CHD6: variants seen among roughly 807,000 people sequenced by gnomAD.
CHD6 encodes chromodomain helicase DNA binding protein 6.
In CHD6, 50 loss-of-function variants were observed where a neutral mutation model predicts 276.9. That is an observed-to-expected ratio of 0.18 (90% CI 0.14 to 0.23). The LOEUF is 0.23. CHD6 is among the 10% of genes least tolerant of loss of function. The pLI is 1.00. For synonymous variants in CHD6, 1,173 were observed against 1,229.3 expected (o/e 0.95, Z 0.96); for missense variants, 2,564 against 3,365.8 (o/e 0.76, Z 5.89).
rs753264281 is a variant in CHD6, at chr20:41,498,149, ATACTT to A, written c.974+14_974+18del. ...TTCATATAAAACCCAAATACAGAGA[ATACTT>A]TAAATAGACGTACAAATTTCTATAC... On this transcript the variant is annotated intron_variant, in intron 7 of 36. Coordinates refer to ENST00000373233, the MANE Select transcript of CHD6 (RefSeq NM_032221.5). The A allele has an allele frequency of 1.3e-6, 2 of 1,569,570 alleles. No homozygotes were observed. The highest frequency in any genetic ancestry group is 4.5e-5 in the East Asian group (2 of 44,568).
chr20:41,570,130 C>T (rs1322434618), intron 1 of CHD6, among the ~76,000 whole-genome samples: 1 of 152,140 alleles, frequency 6.6e-6, no homozygotes, highest in East Asian at 1.9e-4. Flanking sequence ...TCATAGGCAC[C>T]TTTTCTCAAG....
intron 4 of CHD6, 83 bp from the exon 5 acceptor site, chr20:41,513,078 T>G: frequency 6.9e-7 from 1 of 1,454,522 alleles, no homozygotes; most frequent in Admixed American, 1.8e-5. Flanking sequence ...CTACATTTAC[T>G]AACATGCCAA....
At chr20:41,555,655 G>GGTC (rs1248184410) in intron 1 of CHD6, among the ~76,000 whole-genome samples, 2 of 151,668 alleles carry the variant, frequency 1.3e-5, no homozygotes, top group Non-Finnish European at 2.9e-5. Context: ...TCCCAGACGG[G>GGTC]GCGGCGGGGC....
At chr20:41,486,626 T>C (rs924894471) in intron 14 of CHD6, among the ~76,000 whole-genome samples, 6 of 152,150 alleles carry the variant, frequency 3.9e-5, no homozygotes, top group African/African-American at 9.7e-5. Context: ...TTACACACCA[T>C]TGCTGGATTA....
intron 26 of CHD6, among the ~76,000 whole-genome samples, chr20:41,438,283 T>C (rs1204033000): frequency 1.3e-5 from 2 of 152,176 alleles, no homozygotes; most frequent in African/African-American, 2.4e-5. Context: ...CTGTTTTTCA[T>C]GATTCTTTTA....
At chr20:41,442,444 CCTGT>C (rs1263426034) in intron 25 of CHD6, among the ~76,000 whole-genome samples, 1 of 152,042 alleles carries the variant, frequency 6.6e-6, no homozygotes, top group Non-Finnish European at 1.5e-5. Context: ...AGAGTGAGAC[CCTGT>C]CTCTTAAAAA....
intron 31 of CHD6, among the ~76,000 whole-genome samples, chr20:41,417,921 G>A (rs2047055651): frequency 6.6e-6 from 1 of 152,198 alleles, no homozygotes; most frequent in South Asian, 2.1e-4. Context: ...CTTCAGTAAT[G>A]GTGAAAGTTT....
chr20:41,536,709 T>TA lies in CHD6; in HGVS notation c.34-3140dup, dbSNP rs568844449. On this transcript the variant is annotated intron_variant, in intron 2 of 36. Coordinates refer to ENST00000373233, the MANE Select transcript of CHD6 (RefSeq NM_032221.5). The stretch of plus-strand genomic sequence containing the variant: ...ACCATTAAATTTCAGTACATCAGGT[T>TA]AAAAAAAATTAAGCATATTTCACTG... 7.0e-4 allele frequency among the ~76,000 whole-genome samples: 107 copies of TA among 152,136 alleles called. No individual in the cohort carries two copies. The East Asian group carries it at 0.019, about 26-fold the overall frequency.
chr20:41,549,477 A>G (rs2045110140), intron 2 of CHD6, among the ~76,000 whole-genome samples: 1 of 115,632 alleles, frequency 8.6e-6, no homozygotes, highest in African/African-American at 3.4e-5. Context: ...GGAACATCAC[A>G]CTCCGGAGAC....
chr20:41,527,129 G>A (rs999550217), intron 3 of CHD6, among the ~76,000 whole-genome samples: 6 of 152,050 alleles, frequency 3.9e-5, no homozygotes, highest in Admixed American at 2.0e-4. Flanking sequence ...CAAAACTCAA[G>A]ACCCTAGCTT....
intron 17 of CHD6, among the ~76,000 whole-genome samples, chr20:41,457,770 T>C (rs2048421066): frequency 6.6e-6 from 1 of 152,238 alleles, no homozygotes; most frequent in South Asian, 2.1e-4. Flanking sequence ...TTGGAAGATA[T>C]GCTTCAGAGC....
At chr20:41,503,621 A>G (rs1308592887) in intron 5 of CHD6, among the ~76,000 whole-genome samples, 1 of 152,112 alleles carries the variant, frequency 6.6e-6, no homozygotes, top group Non-Finnish European at 1.5e-5. Flanking sequence ...AGATATGCCT[A>G]GGTATGGTTT....
chr20:41,490,743 G>T (rs1009559769), intron 11 of CHD6, among the ~76,000 whole-genome samples: 2 of 152,044 alleles, frequency 1.3e-5, no homozygotes, highest in African/African-American at 4.8e-5. Context: ...AACCCAGGAG[G>T]CGGAGGTTGC....
At chr20:41,589,855 A>G (rs935037600) in intron 1 of CHD6, among the ~76,000 whole-genome samples, 1 of 152,250 alleles carries the variant, frequency 6.6e-6, no homozygotes, top group Non-Finnish European at 1.5e-5. Context: ...ACAGAATTGG[A>G]AAAAACTACT....
chr20:41,590,493 CA>C, intron 1 of CHD6, among the ~76,000 whole-genome samples: 1 of 152,208 alleles, frequency 6.6e-6, no homozygotes, highest in Admixed American at 6.5e-5. Context: ...CCAGAATCTA[CA>C]AAGAACTCTA....
Position 41,452,819 on chromosome 20 carries a change from A to G in CHD6, c.3244T>C (p.Ser1082Pro). The G allele has an allele frequency of 6.2e-7, 1 of 1,613,402 alleles. No individual in the cohort carries two copies. Among genetic ancestry groups the G allele is most frequent in the Non-Finnish European group, 8.5e-7 (1 of 1,179,898 alleles). The change falls in exon 21 of 37, where the codon TCC (serine) becomes CCC (proline). Residue 1082 changes from serine to proline, a missense_variant. Physicochemically the swap from Ser to Pro is moderately conservative, Grantham distance 74 (BLOSUM62 -1). This residue lies in a region of CHD6 where 515 missense variants were observed against 739.5 expected (regional missense o/e 0.70). Transcript: ENST00000373233. The surrounding 1 kb of genome is among the most constrained non-coding windows in gnomAD (Gnocchi z 4.2). ...DSDSDERPTR[S>P]RRLNDKARRY... ...CTGGCTTTGTCATTGAGGCGCCTGG[A>G]TCTCGTGGGCCTTTCGTCTGAGTCG...
At chr20:41,424,015 C>A (rs2047281599) in intron 29 of CHD6, among the ~76,000 whole-genome samples, 3 of 152,208 alleles carry the variant, frequency 2.0e-5, no homozygotes, top group African/African-American at 7.2e-5. Context: ...ACCTAGTTAA[C>A]TTCTGCCTGT....
intron 1 of CHD6, among the ~76,000 whole-genome samples, chr20:41,580,711 T>C (rs1393036494): frequency 2.8e-5 from 4 of 143,770 alleles, no homozygotes; most frequent in Admixed American, 6.8e-5. Flanking sequence ...TGGCCAATAA[T>C]GGTAAAAAGG....
intron 1 of CHD6, among the ~76,000 whole-genome samples, chr20:41,617,165 G>A (rs1239816709): frequency 6.6e-6 from 1 of 152,080 alleles, no homozygotes; most frequent in Non-Finnish European, 1.5e-5. Flanking sequence ...GTTTTCAGGG[G>A]GTGGGAAATA....
Sources: allele counts gnomAD v4.1 joint callset (sites outside exome capture counted in the v4.1 genomes callset), GRCh38; gene constraint gnomAD v4.1.1; regional missense constraint gnomAD v4.1.1; non-coding constraint Gnocchi (gnomAD v3.1); transcripts MANE v1.5; gene names NCBI Gene and HGNC (gene_info 2026-07-23, HGNC 2026-07-21).